The following KCNQ1 variants were observed in gnomAD, a reference collection of about 807,000 sequenced individuals.
The protein encoded by KCNQ1 is potassium voltage-gated channel subfamily KQT member 1.
KCNQ1 carries 49 observed loss-of-function variants against 72.4 expected under a neutral mutation model. That is an observed-to-expected ratio of 0.68 (90% CI 0.54 to 0.86). KCNQ1 has a LOEUF of 0.86. KCNQ1 is among the 40% of genes least tolerant of loss of function. KCNQ1 has a pLI of 0.00. For missense variants in KCNQ1, 790 were observed against 945.1 expected, an observed-to-expected ratio of 0.84 and a Z score of 2.15; for synonymous variants, 450 against 412.6, an observed-to-expected ratio of 1.09 and a Z score of -1.10.
chr11:2,604,231 A>G (rs1848847752), intron 10 of KCNQ1, among the ~76,000 whole-genome samples: 1 of 151,632 alleles, frequency 6.6e-6, no homozygotes, highest in Non-Finnish European at 1.5e-5. Flanking sequence ...TAATCCCAAC[A>G]GTTTGGGAGG....
chr11:2,499,055 C>T (rs1846967052), intron 1 of KCNQ1, among the ~76,000 whole-genome samples: 2 of 152,214 alleles, frequency 1.3e-5, no homozygotes, highest in African/African-American at 4.8e-5. Flanking sequence ...GCTGCACCCA[C>T]TGCCTAATCA....
At position 2,683,564 on chromosome 11, in the gene KCNQ1, C is replaced by T. The variant is rs1256146616; in HGVS notation, c.1514+21483C>T. The T allele has an allele frequency of 2.8e-5, 11 of 398,560 alleles. No homozygotes were observed. The highest frequency in any genetic ancestry group is 3.1e-5 in the Non-Finnish European group (7 of 226,088). The allele number at this position is 398,560 out of a possible 1,614,324, so 24.7% of individuals were successfully genotyped here. The stretch of plus-strand genomic sequence containing the variant: ...AGAGGTAGAAGCCCCTACCTACTGA[C>T]TGGCATCACAAACACTGCCCTGAAA... On this transcript the variant is annotated intron_variant, in intron 11 of 15. Coordinates refer to ENST00000155840, the MANE Select transcript of KCNQ1 (RefSeq NM_000218.3). This position sits in a 1 kb window ranked among gnomAD's most constrained non-coding sequence, Gnocchi z 4.7.
rs1205552952 is a variant in KCNQ1 at position 2,662,026 on chromosome 11, G to A, written c.1459G>A (p.Glu487Lys). 2.4e-5 allele frequency: 38 copies of A among 1,614,090 alleles called. 1 individual carries two copies. The Admixed American group carries it at 5.2e-4, about 22-fold the overall frequency. The change falls in exon 11 of 16, where the codon GAG becomes AAG. Residue 487 changes from glutamate (E) to lysine (K), a missense_variant. Coordinates refer to ENST00000155840, the MANE Select transcript of KCNQ1 (RefSeq NM_000218.3). ...TTTCATGAGAACCAACAGCTTCGCC[G>A]AGGACCTGGACCTGGAAGGGGAGAC... Reference protein sequence around the residue: ...PHFMRTNSFAEDLDLEGETLL... With the variant: ...PHFMRTNSFAKDLDLEGETLL...
intron 15 of KCNQ1, among the ~76,000 whole-genome samples, chr11:2,795,316 C>A (rs1231170288): frequency 6.6e-6 from 1 of 152,248 alleles, no homozygotes; most frequent in Non-Finnish European, 1.5e-5. Context: ...GCACCCATGT[C>A]TGGGGAGGCC....
chr11:2,752,971 G>A lies in KCNQ1; in HGVS notation c.1515-15873G>A, dbSNP rs2133964886. Among the ~76,000 whole-genome samples, 1 of 152,180 alleles carries A rather than the reference G, an allele frequency of 6.6e-6. No homozygotes were observed. The highest frequency in any genetic ancestry group is 1.9e-4 in the East Asian group (1 of 5,184). ...GGTCTGGGCTTGAGGACCAGCACGG[G>A]ATCGTTCTCCTCTGTGGGTCGCTGA... On this transcript the variant is annotated intron_variant, in intron 11 of 15. Transcript: ENST00000155840. This position sits in a 1 kb window ranked among gnomAD's most constrained non-coding sequence, Gnocchi z 5.2.
chr11:2,651,844 G>A lies in KCNQ1; in HGVS notation c.1394-10117G>A. The A allele has an allele frequency of 2.5e-6, 1 of 398,642 alleles. No homozygotes were observed. The highest frequency in any genetic ancestry group is 4.4e-6 in the Non-Finnish European group (1 of 226,096). 24.7% of individuals were successfully genotyped at this position (398,642 alleles called of 1,614,324 possible). ...GCCCACAGGACCATACCAGACAGAT[G>A]CCACCACATCTTTTCTTGAAGTAGT... On this transcript the variant is annotated intron_variant, in intron 10 of 15. Transcript: ENST00000155840. This position sits in a 1 kb window ranked among gnomAD's most constrained non-coding sequence, Gnocchi z 6.1.
chr11:2,675,619 G>C, intron 11 of KCNQ1: 1 of 398,608 alleles, frequency 2.5e-6, no homozygotes, highest in Non-Finnish European at 4.4e-6. Context: ...AGGGTGGAGA[G>C]CACCCCTTAT....
chr11:2,701,322 C>T (rs1850810241), intron 11 of KCNQ1, among the ~76,000 whole-genome samples: 1 of 152,212 alleles, frequency 6.6e-6, no homozygotes, highest in South Asian at 2.1e-4. Context: ...CCAGATGAGT[C>T]CACTCCCTGC....
rs1338750894 is a variant in KCNQ1, at chr11:2,462,074, C to G, written c.386+16590C>G. The G allele has an allele frequency of 6.8e-6, 2 of 295,674 alleles. No individual in the cohort carries two copies. Among genetic ancestry groups the G allele is most frequent in the East Asian group, 8.5e-5 (1 of 11,774 alleles). The allele number at this position is 295,674 out of a possible 1,614,324, so 18.3% of individuals were successfully genotyped here. On this transcript the variant is annotated intron_variant, in intron 1 of 15. Coordinates refer to ENST00000155840, the MANE Select transcript of KCNQ1 (RefSeq NM_000218.3). The surrounding 1 kb of genome is among the most constrained non-coding windows in gnomAD (Gnocchi z 8.2). The stretch of plus-strand genomic sequence containing the variant: ...AGCTGTCCAGAGATGAGACCCAGCC[C>G]CACTGTGTCTTTCTGGGATTCACAA...
Position 2,524,669 on chromosome 11 carries a change from G to C in KCNQ1, c.387-3259G>C, listed in dbSNP as rs181809950. ...CACATCTTTGCAGTAGACAGCACTGGCAGCTTCCGGCTTATCCAAGGCCTC... is the reference window on the plus strand; with the variant it reads ...CACATCTTTGCAGTAGACAGCACTGCCAGCTTCCGGCTTATCCAAGGCCTC... On this transcript the variant is annotated intron_variant, in intron 1 of 15. Coordinates refer to ENST00000155840, the MANE Select transcript of KCNQ1 (RefSeq NM_000218.3). Among the ~76,000 whole-genome samples, 279 of 152,326 alleles carry C rather than the reference G, an allele frequency of 1.8e-3. 3 individuals are homozygous for C. Among genetic ancestry groups the C allele is most frequent in the South Asian group, 4.1e-3 (20 of 4,822 alleles).
chr11:2,793,608 A>G (rs1305707457), intron 15 of KCNQ1, among the ~76,000 whole-genome samples: 1 of 152,206 alleles, frequency 6.6e-6, no homozygotes, highest in Non-Finnish European at 1.5e-5. Flanking sequence ...TGGGCAACAC[A>G]GTGAGATCCT....
rs536335677 is a variant in KCNQ1 at position 2,768,196 on chromosome 11, C to T, written c.1515-648C>T. Among the ~76,000 whole-genome samples, 188 of 152,340 alleles carry T rather than the reference C, an allele frequency of 1.2e-3. 3 individuals are homozygous for T. Among genetic ancestry groups the T allele is most frequent in the Admixed American group, 6.3e-3 (97 of 15,304 alleles). On this transcript the variant is annotated intron_variant, in intron 11 of 15. Coordinates refer to ENST00000155840, the MANE Select transcript of KCNQ1 (RefSeq NM_000218.3). This position sits in a 1 kb window ranked among gnomAD's most constrained non-coding sequence, Gnocchi z 6.7. ...AGGGAATCTCCTGTGGCCTCCATGGCGCTGTGTTTTCTTCCAGTCTTTTTT... is the reference window on the plus strand; with the variant it reads ...AGGGAATCTCCTGTGGCCTCCATGGTGCTGTGTTTTCTTCCAGTCTTTTTT...
intron 11 of KCNQ1, among the ~76,000 whole-genome samples, chr11:2,765,353 A>T (rs1231284150): frequency 6.6e-6 from 1 of 152,224 alleles, no homozygotes; most frequent in East Asian, 1.9e-4. Flanking sequence ...GTAGTCAGAG[A>T]GCATAATAAA....
At position 2,698,988 on chromosome 11, in the gene KCNQ1, C is replaced by T. The variant is rs1453977729; in HGVS notation, c.1514+36907C>T. On this transcript the variant is annotated intron_variant, in intron 11 of 15. Transcript: ENST00000155840. This position sits in a 1 kb window ranked among gnomAD's most constrained non-coding sequence, Gnocchi z 5.1. ...GAACCACAACGGGGATTCCCACCTC[C>T]GATCCTAATTCGGGCCCTGACTCAG... 5.0e-6 allele frequency: 2 copies of T among 398,640 alleles called. No individual in the cohort carries two copies. Among genetic ancestry groups the T allele is most frequent in the Non-Finnish European group, 8.8e-6 (2 of 226,070 alleles). The allele number at this position is 398,640 out of a possible 1,614,324, so 24.7% of individuals were successfully genotyped here. A position where few individuals can be genotyped will look rare whatever the true frequency, so the allele number is the denominator to read the frequency against.
At chr11:2,656,151 G>A (rs1318092948) in intron 10 of KCNQ1, 1 of 398,502 alleles carries the variant, frequency 2.5e-6, no homozygotes, top group Non-Finnish European at 4.4e-6. Flanking sequence ...ACATACAAGT[G>A]ATGCAAACAT....
At position 2,507,048 on chromosome 11, in the gene KCNQ1, C is replaced by T. The variant is rs927117123; in HGVS notation, c.387-20880C>T. The stretch of plus-strand genomic sequence containing the variant: ...TGGTGCTTTTTGCTATGAGAAATTT[C>T]GCATGTTTATATCATCAAATTTATC... On this transcript the variant is annotated intron_variant, in intron 1 of 15. Coordinates refer to ENST00000155840, the MANE Select transcript of KCNQ1 (RefSeq NM_000218.3). This position sits in a 1 kb window ranked among gnomAD's most constrained non-coding sequence, Gnocchi z 5.4. Among the ~76,000 whole-genome samples the T allele has an allele frequency of 5.3e-5, 8 of 152,122 alleles. No individual in the cohort carries two copies. The highest frequency in any genetic ancestry group is 2.1e-4 in the South Asian group (1 of 4,826).
intron 15 of KCNQ1, among the ~76,000 whole-genome samples, chr11:2,800,127 C>A (rs1181294458): frequency 6.6e-6 from 1 of 152,200 alleles, no homozygotes; most frequent in African/African-American, 2.4e-5. Flanking sequence ...AGGGCTCTGA[C>A]CCTGCCCTGT....
intron 1 of KCNQ1, among the ~76,000 whole-genome samples, chr11:2,506,426 T>C (rs1847106971): frequency 6.6e-6 from 1 of 152,252 alleles, no homozygotes; most frequent in Admixed American, 6.5e-5. Context: ...TATGGTTGGA[T>C]GTGCCATGCT....
intron 11 of KCNQ1, chr11:2,684,586 G>A: frequency 2.5e-6 from 1 of 398,670 alleles, no homozygotes; most frequent in Non-Finnish European, 4.4e-6. Flanking sequence ...GCAGAGGAGA[G>A]TGACTGTCCT....
Sources: gnomAD v4.1 joint callset for allele counts (sites outside exome capture counted in the v4.1 genomes callset) on GRCh38, gnomAD v4.1.1 for gene constraint, Gnocchi (gnomAD v3.1) non-coding constraint, MANE v1.5 for transcripts, NCBI Gene and HGNC (gene_info 2026-07-23, HGNC 2026-07-21) for gene names.